SLC35F1: variants seen among roughly 807,000 people sequenced by gnomAD.
SLC35F1 encodes the protein chromosome 6 open reading frame 169.
In SLC35F1, 14 loss-of-function variants were observed where a neutral mutation model predicts 48.7. That is an observed-to-expected ratio of 0.29 (90% CI 0.19 to 0.45). SLC35F1 has a LOEUF of 0.45. Ranked by LOEUF, SLC35F1 falls within the 20% of genes least tolerant of loss-of-function variation. SLC35F1 has a pLI of 1.00. For missense variants in SLC35F1, 404 were observed against 500.0 expected, an observed-to-expected ratio of 0.81 and a Z score of 1.83; for synonymous variants, 190 against 202.2, an observed-to-expected ratio of 0.94 and a Z score of 0.51.
intron 6 of SLC35F1, among the ~76,000 whole-genome samples, chr6:118,281,264 C>A (rs1045148880): frequency 6.8e-6 from 1 of 147,884 alleles, no homozygotes; most frequent in Non-Finnish European, 1.5e-5. Flanking sequence ...ATAGGATGTT[C>A]CTTCAAAGCC....
At chr6:118,160,807 C>T (rs546449765) in intron 2 of SLC35F1, among the ~76,000 whole-genome samples, 11 of 151,372 alleles carry the variant, frequency 7.3e-5, no homozygotes, top group Non-Finnish European at 1.0e-4. Flanking sequence ...TACAGCTGGA[C>T]GCAAATCATG....
chr6:118,156,509 C>T lies in SLC35F1; in HGVS notation c.349+1889C>T, dbSNP rs1251984295. Among the ~76,000 whole-genome samples, 6 of 151,982 alleles carry T rather than the reference C, an allele frequency of 3.9e-5. 1 individual carries two copies. In the South Asian group the frequency reaches 1.2e-3, roughly 31 times the overall value. ...TGGACACAGGGTGGGGAACATCACA[C>T]ACCAGGGCCTGTTGGGGGTTGAGGG... On this transcript the variant is annotated intron_variant, in intron 2 of 7. Transcript: ENST00000360388.
intron 2 of SLC35F1, among the ~76,000 whole-genome samples, chr6:118,205,165 A>G (rs1774918968): frequency 6.6e-6 from 1 of 152,192 alleles, no homozygotes; most frequent in Non-Finnish European, 1.5e-5. Flanking sequence ...AGCTCATAGG[A>G]CATTGCAAAC....
In SLC35F1 at chr6:118,171,115, C is replaced by T. The variant is rs529396971; in HGVS notation, c.349+16495C>T. On this transcript the variant is annotated intron_variant, in intron 2 of 7. Coordinates refer to ENST00000360388, the MANE Select transcript of SLC35F1 (RefSeq NM_001029858.4). ...GCAATGGCTTGATCATGGCTCACTG[C>T]ACCCTTGACCTCCTGAGCTCAATAG... is the stretch of plus-strand genomic sequence containing the variant. 1.6e-4 allele frequency among the ~76,000 whole-genome samples: 25 copies of T among 152,126 alleles called. No homozygotes were observed. The East Asian group carries it at 4.8e-3, about 29-fold the overall frequency.
chr6:118,235,363 A>C, intron 2 of SLC35F1, 146 bp from the exon 3 acceptor site: 1 of 800,552 alleles, frequency 1.2e-6, no homozygotes, highest in Non-Finnish European at 1.9e-6. Flanking sequence ...ACATGTGGGT[A>C]TCTGATACGT....
intron 7 of SLC35F1, among the ~76,000 whole-genome samples, chr6:118,311,879 C>T (rs1188496913): frequency 6.6e-6 from 1 of 152,050 alleles, no homozygotes; most frequent in African/African-American, 2.4e-5. Context: ...AAAATAAGTG[C>T]TATAGTAATA....
At chr6:118,035,444 T>TAA (rs374606375) in intron 1 of SLC35F1, among the ~76,000 whole-genome samples, 46,574 of 145,236 alleles carry the variant, frequency 0.32, 7,646 homozygotes, top group East Asian at 0.48. Flanking sequence ...CCATTTCTAC[T>TAA]AAAAAAAAAA....
chr6:117,980,596 G>C (rs1304635624), intron 1 of SLC35F1, among the ~76,000 whole-genome samples: 1 of 152,172 alleles, frequency 6.6e-6, no homozygotes, highest in Non-Finnish European at 1.5e-5. Flanking sequence ...CCTTGGCACT[G>C]TGTTGGCTGT....
chr6:118,278,626 C>T (rs1042228865), intron 6 of SLC35F1, among the ~76,000 whole-genome samples: 3 of 152,156 alleles, frequency 2.0e-5, no homozygotes, highest in African/African-American at 7.2e-5. Context: ...CATTTAATTT[C>T]TCTCCAGTTG....
At chr6:118,263,452 AG>A (rs1371031893) in intron 3 of SLC35F1, among the ~76,000 whole-genome samples, 1 of 152,214 alleles carries the variant, frequency 6.6e-6, no homozygotes, top group Non-Finnish European at 1.5e-5. Flanking sequence ...TTAAATCCTT[AG>A]GGGGAAAAAA....
chr6:118,026,308 A>G (rs1323132217), intron 1 of SLC35F1, among the ~76,000 whole-genome samples: 2 of 152,164 alleles, frequency 1.3e-5, no homozygotes, highest in Non-Finnish European at 2.9e-5. Flanking sequence ...GAGGTGGGAG[A>G]AGAAAGGCCA....
intron 1 of SLC35F1, among the ~76,000 whole-genome samples, chr6:118,066,909 G>A (rs1011526348): frequency 4.6e-5 from 7 of 151,652 alleles, no homozygotes; most frequent in African/African-American, 2.4e-5. Flanking sequence ...CCTTCACCCC[G>A]CCCCACTGAA....
intron 1 of SLC35F1, among the ~76,000 whole-genome samples, chr6:118,106,731 C>T (rs1053951964): frequency 2.0e-5 from 3 of 152,178 alleles, no homozygotes; most frequent in Non-Finnish European, 4.4e-5. Context: ...AAACTTCATG[C>T]CCTTTCTGTA....
intron 1 of SLC35F1, among the ~76,000 whole-genome samples, chr6:117,921,883 A>C (rs1037630012): frequency 6.6e-6 from 1 of 152,222 alleles, no homozygotes; most frequent in African/African-American, 2.4e-5. Flanking sequence ...TTATGAAAAA[A>C]TGTAAATGGG....
At chr6:118,312,703 G>T (rs1030139403) in intron 7 of SLC35F1, among the ~76,000 whole-genome samples, 1 of 152,122 alleles carries the variant, frequency 6.6e-6, no homozygotes, top group African/African-American at 2.4e-5. Context: ...ACGTTTAGCC[G>T]CAGGGATACC....
intron 1 of SLC35F1, among the ~76,000 whole-genome samples, chr6:117,943,700 T>A (rs9489285): frequency 6.6e-6 from 1 of 152,144 alleles, no homozygotes; most frequent in Non-Finnish European, 1.5e-5. Context: ...TGAGGACTAC[T>A]GGCCAGATCC....
intron 1 of SLC35F1, among the ~76,000 whole-genome samples, chr6:118,074,675 G>A (rs527644122): frequency 1.3e-5 from 2 of 152,112 alleles, no homozygotes; most frequent in South Asian, 2.1e-4. Flanking sequence ...TTTTGAGATC[G>A]GATCCCACTC....
At chr6:117,934,970 C>T (rs886636338) in intron 1 of SLC35F1, among the ~76,000 whole-genome samples, 30 of 152,078 alleles carry the variant, frequency 2.0e-4, no homozygotes, top group African/African-American at 7.2e-4. Flanking sequence ...AGCTGGACAT[C>T]GTGGTGAATG....
intron 1 of SLC35F1, among the ~76,000 whole-genome samples, chr6:117,948,783 A>G (rs1023183885): frequency 1.3e-5 from 2 of 152,140 alleles, no homozygotes; most frequent in African/African-American, 4.8e-5. Flanking sequence ...AGCAAACTCA[A>G]GGGAGAGAAC....
Sources: allele counts gnomAD v4.1 joint callset (sites outside exome capture counted in the v4.1 genomes callset), GRCh38; gene constraint gnomAD v4.1.1; transcripts MANE v1.5; gene names NCBI Gene and HGNC (gene_info 2026-07-23, HGNC 2026-07-21).